Variants in ATRN observed in about 807,000 individuals in gnomAD.
ATRN encodes attractin-2.
ATRN carries 54 observed loss-of-function variants against 178.7 expected under a neutral mutation model. That is an observed-to-expected ratio of 0.30 (90% CI 0.24 to 0.38). The LOEUF is 0.38. Ranked by LOEUF, ATRN falls within the 10% of genes least tolerant of loss-of-function variation. ATRN has a pLI of 1.00. For synonymous variants in ATRN, 636 were observed against 663.0 expected, an observed-to-expected ratio of 0.96 and a Z score of 0.63; for missense variants, 1,443 against 1,815.1, an observed-to-expected ratio of 0.79 and a Z score of 3.73.
chr20:3,572,899 G>A lies in ATRN; in HGVS notation c.2040G>A (p.Leu680=), dbSNP rs143952134. ...TGSSQCISWA[L]ATDEQEEKLK... ...CGTCTCAGTGTATCTCGTGGGCGCT[G>A]GCAACTGATGAACAAGAAGAAAAGT... The change falls in exon 12 of 29, where the codon CTG becomes CTA. Residue 680 remains leucine, a synonymous_variant. Transcript: ENST00000262919. 5.6e-6 allele frequency: 9 copies of A among 1,613,778 alleles called. No homozygotes were observed. The African/African-American group carries it at 1.2e-4, about 22-fold the overall frequency.
At chr20:3,594,219 A>G (rs113671992) in intron 19 of ATRN, among the ~76,000 whole-genome samples, 4 of 152,330 alleles carry the variant, frequency 2.6e-5, no homozygotes, top group African/African-American at 9.6e-5. Flanking sequence ...TATTGAAAAG[A>G]TCAAAATAGT....
intron 11 of ATRN, among the ~76,000 whole-genome samples, chr20:3,566,048 A>G (rs908843312): frequency 1.3e-5 from 2 of 152,150 alleles, no homozygotes; most frequent in South Asian, 4.1e-4. Flanking sequence ...AGTTACGTGC[A>G]TGTCATTGTC....
chr20:3,520,045 C>T (rs188842245), intron 1 of ATRN, among the ~76,000 whole-genome samples: 24 of 152,166 alleles, frequency 1.6e-4, no homozygotes, highest in Admixed American at 4.6e-4. Context: ...GAGTGAAGAG[C>T]GGTGAACAGT....
At chr20:3,511,491 A>G (rs2085127234) in intron 1 of ATRN, among the ~76,000 whole-genome samples, 1 of 152,008 alleles carries the variant, frequency 6.6e-6, no homozygotes, top group African/African-American at 2.4e-5. Flanking sequence ...TATAATTTTT[A>G]AACTATATGG....
At chr20:3,484,095 A>G (rs1211811630) in intron 1 of ATRN, among the ~76,000 whole-genome samples, 1 of 152,118 alleles carries the variant, frequency 6.6e-6, no homozygotes, top group Non-Finnish European at 1.5e-5. Context: ...AAAAAAATTT[A>G]AAAATTTGCA....
At chr20:3,529,825 G>C (rs146360730) in intron 1 of ATRN, among the ~76,000 whole-genome samples, 1 of 152,248 alleles carries the variant, frequency 6.6e-6, no homozygotes, top group Non-Finnish European at 1.5e-5. Context: ...TAAAGATTTG[G>C]TTGGAAGGAA....
intron 6 of ATRN, among the ~76,000 whole-genome samples, chr20:3,557,476 C>T (rs1007570640): frequency 6.6e-6 from 1 of 152,122 alleles, no homozygotes; most frequent in African/African-American, 2.4e-5. Context: ...GTAAAGCTGG[C>T]AGGCAGATAT....
At chr20:3,565,625 G>A (rs2086022673) in intron 11 of ATRN, among the ~76,000 whole-genome samples, 193 bp downstream of exon 11, 1 of 152,016 alleles carries the variant, frequency 6.6e-6, no homozygotes, top group African/African-American at 2.4e-5. Context: ...AATTAGCTGG[G>A]CTTGGTAGTG....
chr20:3,489,783 C>A, intron 1 of ATRN: 1 of 1,333,028 alleles, frequency 7.5e-7, no homozygotes, highest in Non-Finnish European at 1.1e-6. Context: ...GGCTTTGCGC[C>A]CTTGGTAGGT....
chr20:3,622,175 T>G (rs1364827627), intron 24 of ATRN, among the ~76,000 whole-genome samples: 1 of 152,216 alleles, frequency 6.6e-6, no homozygotes. Context: ...GTCCTTCACT[T>G]GAGACTTCAC....
At chr20:3,623,636 G>A (rs559994373) in intron 24 of ATRN, among the ~76,000 whole-genome samples, 25 of 152,132 alleles carry the variant, frequency 1.6e-4, no homozygotes, top group African/African-American at 5.1e-4. Context: ...TAATTGTTTC[G>A]TTTATAGTAC....
chr20:3,535,628 T>C (rs571884856), intron 2 of ATRN, among the ~76,000 whole-genome samples: 4,829 of 124,062 alleles, frequency 0.039, 256 homozygotes, highest in African/African-American at 0.15. Flanking sequence ...CACACACACA[T>C]ATATATTTAT....
chr20:3,610,179 A>G (rs573892267), intron 24 of ATRN, among the ~76,000 whole-genome samples: 1 of 152,248 alleles, frequency 6.6e-6, no homozygotes, highest in Non-Finnish European at 1.5e-5. Context: ...TTGTAGATAT[A>G]GACAAGCTTA....
At chr20:3,575,599 C>T (rs1247821941) in intron 12 of ATRN, among the ~76,000 whole-genome samples, 2 of 152,048 alleles carry the variant, frequency 1.3e-5, no homozygotes, top group Non-Finnish European at 2.9e-5. Flanking sequence ...TTAACCTATC[C>T]TTGTTTTCAC....
chr20:3,565,503 C>T lies in ATRN; in HGVS notation c.1871+71C>T, dbSNP rs377650661. The T allele has an allele frequency of 3.9e-5, 52 of 1,350,012 alleles. No individual in the cohort carries two copies. In the South Asian group the frequency reaches 6.0e-4, roughly 16 times the overall value. 83.6% of individuals were successfully genotyped at this position (1,350,012 alleles called of 1,614,324 possible). A position where few individuals can be genotyped will look rare whatever the true frequency, so the allele number is the denominator to read the frequency against. On this transcript the variant is annotated intron_variant, in intron 11 of 28. Coordinates refer to ENST00000262919, the MANE Select transcript of ATRN (RefSeq NM_139321.3). Reference sequence around the variant, plus strand: ...AAATAAAGGGCCGGGCACGGTGGCTCACGCCTGTAATTCTGGCACTTTGGG... The same window carrying T: ...AAATAAAGGGCCGGGCACGGTGGCTTACGCCTGTAATTCTGGCACTTTGGG...
At chr20:3,624,598 C>A in intron 25 of ATRN, 26 bp downstream of exon 25, 1 of 1,579,620 alleles carries the variant, frequency 6.3e-7, no homozygotes, top group Non-Finnish European at 8.7e-7. Flanking sequence ...CAGACTCTCT[C>A]TGTTCTTTTG....
intron 19 of ATRN, chr20:3,592,465 C>A (rs1319221147): frequency 1.0e-6 from 1 of 983,042 alleles, no homozygotes; most frequent in Non-Finnish European, 1.2e-6. Flanking sequence ...TAGAAGCCTG[C>A]AAGCAATAGG....
intron 1 of ATRN, among the ~76,000 whole-genome samples, chr20:3,518,651 TTAA>T (rs1382543026): frequency 1.3e-5 from 2 of 152,112 alleles, no homozygotes; most frequent in African/African-American, 4.8e-5. Flanking sequence ...GATAAAAGGG[TTAA>T]TAATCTCTCT....
chr20:3,637,391 A>C (rs2087033399), intron 26 of ATRN, among the ~76,000 whole-genome samples: 1 of 152,200 alleles, frequency 6.6e-6, no homozygotes, highest in Non-Finnish European at 1.5e-5. Flanking sequence ...CCCAGCACTT[A>C]AGCACAGACC....
Sources: allele counts gnomAD v4.1 joint callset (sites outside exome capture counted in the v4.1 genomes callset), GRCh38; gene constraint gnomAD v4.1.1; transcripts MANE v1.5; gene names NCBI Gene and HGNC (gene_info 2026-07-23, HGNC 2026-07-21).